CLEC1B: variants seen among roughly 807,000 people sequenced by gnomAD.
CLEC1B encodes the protein C-type lectin domain family 1 member B.
A neutral mutation model predicts 26.7 loss-of-function variants in CLEC1B; 26 were observed. The observed-to-expected ratio is 0.97, with a 90% confidence interval of 0.71 to 1.35. The LOEUF is 1.35. CLEC1B is among the 40% of genes most tolerant of loss of function. The pLI is 0.00. For missense variants in CLEC1B, 293 were observed against 282.6 expected (o/e 1.04, Z -0.26); for synonymous variants, 112 against 96.0 (o/e 1.17, Z -0.97).
chr12:9,994,508 G>A (rs940112896), intron 5 of CLEC1B, among the ~76,000 whole-genome samples: 1 of 152,058 alleles, frequency 6.6e-6, no homozygotes, highest in South Asian at 2.1e-4. Flanking sequence ...TTGATATACA[G>A]GATGAACAAA....
At position 9,996,941 on chromosome 12, in the gene CLEC1B, C is replaced by CTT; in HGVS notation, c.342_343insAA (p.Gly115LysfsTer8). ...CATGTTAAGTTGTGCCTGAAGAACC[C>CTT]ATAGCAGCTATCTCCATAATATCTC... On this transcript the variant is annotated frameshift_variant, in exon 4 of 6. Coordinates refer to ENST00000298527, the MANE Select transcript of CLEC1B (RefSeq NM_016509.4). LOFTEE classifies it high-confidence loss of function. 6.2e-7 allele frequency: 1 copy of CTT among 1,614,080 alleles called. No homozygotes were observed. Among genetic ancestry groups the CTT allele is most frequent in the Non-Finnish European group, 8.5e-7 (1 of 1,179,986 alleles).
At chr12:9,994,365 T>A (rs1224699126) in intron 5 of CLEC1B, among the ~76,000 whole-genome samples, 1 of 152,204 alleles carries the variant, frequency 6.6e-6, no homozygotes, top group Non-Finnish European at 1.5e-5. Context: ...GTAGTTGTAG[T>A]ATCCTAAGAT....
At chr12:9,996,104 G>A (rs659928) in intron 4 of CLEC1B, among the ~76,000 whole-genome samples, 45,209 of 152,062 alleles carry the variant, frequency 0.3, 7,122 homozygotes, top group South Asian at 0.42. Flanking sequence ...CTTCTTGACA[G>A]ATATGTGAGA....
At position 9,995,036 on chromosome 12, in the gene CLEC1B, G is replaced by C. The variant is rs756927194; in HGVS notation, c.545+104C>G. On this transcript the variant is annotated intron_variant, in intron 5 of 5. Coordinates refer to ENST00000298527, the MANE Select transcript of CLEC1B (RefSeq NM_016509.4). ...GAATTAGCAGGTAAGTGACCCAGCT[G>C]CTGCTTCTATAACCCATAGTAGTGA... The C allele has an allele frequency of 3.2e-6, 5 of 1,583,296 alleles. No homozygotes were observed. The Admixed American group carries it at 8.5e-5, about 27-fold the overall frequency.
In CLEC1B at chr12:9,993,237, T is replaced by C; in HGVS notation, c.596A>G (p.His199Arg). 1.2e-6 allele frequency: 2 copies of C among 1,612,678 alleles called. No homozygotes were observed. Among genetic ancestry groups the C allele is most frequent in the East Asian group, 2.2e-5 (1 of 44,856 alleles). Residue 199 changes from histidine to arginine, a missense_variant, in exon 6 of 6, where the codon CAT becomes CGT. Transcript: ENST00000298527. ...GKGNMNCAYFHNGKMHPTFCE... is the reference protein window; with the variant it reads ...GKGNMNCAYFRNGKMHPTFCE... ...GAAGGTAGGGTGCATTTTCCCATTA[T>C]GAAAATAAGCACAATTCATATTTCC...
In CLEC1B at chr12:9,998,340, C is replaced by G; in HGVS notation, c.105G>C (p.Leu35Phe). The G allele has an allele frequency of 6.2e-7, 1 of 1,614,036 alleles. No homozygotes were observed. Among genetic ancestry groups the G allele is most frequent in the Non-Finnish European group, 8.5e-7 (1 of 1,180,016 alleles). The stretch of plus-strand genomic sequence containing the variant: ...TCCCCACGCACAGGATCAGCAGAAT[C>G]AAAGCCATCACACGCCACCAGGAGG... Reference protein sequence around the residue: ...ASSSWWRVMALILLILCVGMV... With the variant: ...ASSSWWRVMAFILLILCVGMV... Residue 35 changes from leucine to phenylalanine, a missense_variant, in exon 2 of 6, where the codon TTG becomes TTC. By Grantham distance (22) the Leu-to-Phe change is conservative. Coordinates refer to ENST00000298527, the MANE Select transcript of CLEC1B (RefSeq NM_016509.4).
upstream of CLEC1B, among the ~76,000 whole-genome samples, chr12:10,001,369 A>G (rs145107576): frequency 2.0e-3 from 311 of 152,302 alleles, 1 homozygote; most frequent in African/African-American, 7.3e-3. Flanking sequence ...TTCCTTTCCT[A>G]TATCTCAGGC....
upstream of CLEC1B, among the ~76,000 whole-genome samples, chr12:10,000,809 T>C (rs1457613738): frequency 6.6e-6 from 1 of 152,218 alleles, no homozygotes; most frequent in East Asian, 1.9e-4. Flanking sequence ...CTACATCTAC[T>C]CATCAGCAAG....
chr12:9,998,912 G>T, intron 1 of CLEC1B, 125 bp downstream of exon 1: 1 of 592,894 alleles, frequency 1.7e-6, no homozygotes. Flanking sequence ...AAATGCTTTA[G>T]AGCATTAACA....
Position 9,995,166 on chromosome 12 carries a change from C to T in CLEC1B, c.519G>A (p.Glu173=). The T allele has an allele frequency of 6.2e-7, 1 of 1,613,000 alleles. No individual in the cohort carries two copies. The highest frequency in any genetic ancestry group is 8.5e-7 in the Non-Finnish European group (1 of 1,179,134). Residue 173 remains glutamate (E), a synonymous_variant, in exon 5 of 6, where the codon GAG becomes GAA. Transcript: ENST00000298527. The stretch of plus-strand genomic sequence containing the variant: ...TATTTTCTGAGATAACCGAGCCATC[C>T]TCCCACTTCCAGACCTCATTCGACT... ...RQKSNEVWKW[E]DGSVISENMF... is the part of the protein sequence containing the mutation.
intron 5 of CLEC1B, 70 bp from the exon 6 acceptor site, chr12:9,993,357 T>G (rs762072167): frequency 2.2e-6 from 3 of 1,336,972 alleles, no homozygotes; most frequent in East Asian, 2.3e-5. Flanking sequence ...ACTCTGCGTA[T>G]AGTAGTTTGA....
rs767948976 is a variant in CLEC1B at position 9,997,273 on chromosome 12, A to G, written c.170T>C (p.Met57Thr). 7 of 1,610,588 alleles carry G rather than the reference A, an allele frequency of 4.3e-6. No homozygotes were observed. Among genetic ancestry groups the G allele is most frequent in the Non-Finnish European group, 5.1e-6 (6 of 1,177,686 alleles). The change falls in exon 3 of 6, where the codon ATG (methionine) becomes ACG (threonine). Residue 57 changes from methionine to threonine, a missense_variant. Coordinates refer to ENST00000298527, the MANE Select transcript of CLEC1B (RefSeq NM_016509.4). ...CTCACCTTGTAGGTAATTGCGCTGC[A>G]TGACAGCTAGGTTTAAAAAGTAAAT... ...GLVALGIWSV[M>T]QRNYLQGENE...
intron 3 of CLEC1B, 33 bp from the exon 4 acceptor site, chr12:9,997,033 T>C: frequency 6.2e-7 from 1 of 1,612,238 alleles, no homozygotes; most frequent in South Asian, 1.1e-5. Flanking sequence ...TGGTGTATTT[T>C]TTCTAAATTG....
rs2137241988 is a variant in CLEC1B at position 9,997,061 on chromosome 12, C to A, written c.284-61G>T. 3.1e-6 allele frequency: 5 copies of A among 1,609,092 alleles called. No homozygotes were observed. The South Asian group carries it at 5.5e-5, about 18-fold the overall frequency. On this transcript the variant is annotated intron_variant, in intron 3 of 5. Coordinates refer to ENST00000298527, the MANE Select transcript of CLEC1B (RefSeq NM_016509.4). ...CTAAATTGGGCTTACATTTTCTTCA[C>A]ATTCAATGTTTTCTGCAGATCTCAA...
Position 9,996,997 on chromosome 12 carries a change from C to A in CLEC1B, c.287G>T (p.Gly96Val), listed in dbSNP as rs1401806053. The change falls in exon 4 of 6, where the codon GGT becomes GTT. Residue 96 changes from glycine (G) to valine (V), a missense_variant. Gly to Val is a moderately radical substitution (Grantham distance 109, BLOSUM62 -3). Transcript: ENST00000298527. ...TGTGTCACAGGGGCTGCATTTATGA[C>A]CTTCTGGAGAAACCAAGCACAGGAA... ...KQSELKGTFK[G>V]HKCSPCDTNW... is the part of the protein sequence containing the mutation. The A allele has an allele frequency of 1.2e-6, 2 of 1,613,672 alleles. No individual in the cohort carries two copies. Among genetic ancestry groups the A allele is most frequent in the Admixed American group, 1.7e-5 (1 of 59,938 alleles).
chr12:9,996,985 C>A lies in CLEC1B; in HGVS notation c.299G>T (p.Ser100Ile), dbSNP rs775113342. Reference protein sequence around the residue: ...LKGTFKGHKCSPCDTNWRYYG... With the variant: ...LKGTFKGHKCIPCDTNWRYYG... ...ATATCTCCAGTTTGTGTCACAGGGG[C>A]TGCATTTATGACCTTCTGGAGAAAC... Residue 100 changes from serine (S) to isoleucine (I), a missense_variant, in exon 4 of 6, where the codon AGC (serine) becomes ATC (isoleucine). Ser to Ile is a moderately radical substitution (Grantham distance 142). Coordinates refer to ENST00000298527, the MANE Select transcript of CLEC1B (RefSeq NM_016509.4). 4 of 1,613,888 alleles carry A rather than the reference C, an allele frequency of 2.5e-6. No homozygotes were observed. The East Asian group carries it at 8.9e-5, about 36-fold the overall frequency.
chr12:9,999,498 C>T (rs976664599), upstream of CLEC1B, among the ~76,000 whole-genome samples: 9 of 152,064 alleles, frequency 5.9e-5, no homozygotes, highest in African/African-American at 1.7e-4. Flanking sequence ...GAGATTTCTG[C>T]TGAAAATTCA....
intron 2 of CLEC1B, among the ~76,000 whole-genome samples, chr12:9,997,594 G>A (rs1053179062): frequency 3.3e-5 from 5 of 152,082 alleles, no homozygotes; most frequent in Non-Finnish European, 5.9e-5. Flanking sequence ...GAGTTATAGA[G>A]GTGAATGACC....
Position 9,995,144 on chromosome 12 carries a change from T to C in CLEC1B, c.541A>G (p.Asn181Asp), listed in dbSNP as rs756843393. 1.9e-6 allele frequency: 3 copies of C among 1,612,578 alleles called. No individual in the cohort carries two copies. The Admixed American group carries it at 5.0e-5, about 27-fold the overall frequency. Residue 181 changes from asparagine (N) to aspartate (D), a missense_variant, in exon 5 of 6, where the codon AAT (asparagine) becomes GAT (aspartate). Physicochemically the swap from Asn to Asp is conservative, Grantham distance 23. Coordinates refer to ENST00000298527, the MANE Select transcript of CLEC1B (RefSeq NM_016509.4). Reference sequence around the variant, plus strand: ...TCTAAGTGTCCAGTGACTTACATATTTTCTGAGATAACCGAGCCATCCTCC... The same window carrying C: ...TCTAAGTGTCCAGTGACTTACATATCTTCTGAGATAACCGAGCCATCCTCC... ...KWEDGSVISE[N>D]MFEFLEDGKG...
Sources: allele counts gnomAD v4.1 joint callset (sites outside exome capture counted in the v4.1 genomes callset), GRCh38; gene constraint gnomAD v4.1.1; transcripts MANE v1.5; gene names NCBI Gene and HGNC (gene_info 2026-07-23, HGNC 2026-07-21).